The following PLA2G4A variants were observed in gnomAD, a reference collection of about 807,000 sequenced individuals.
PLA2G4A encodes phospholipase A2 group IVA, also known as cytosolic phospholipase A2.
PLA2G4A carries 40 observed loss-of-function variants against 81.9 expected under a neutral mutation model. The ratio of observed to expected loss-of-function variants is 0.49; its 90% CI spans 0.38 to 0.64. The LOEUF (loss-of-function observed/expected upper bound fraction) is 0.64. Among genes scored for constraint, PLA2G4A ranks in the 30% least tolerant of loss-of-function variants. The pLI, the probability that PLA2G4A is intolerant of heterozygous loss-of-function variation, is 0.00. For synonymous variants in PLA2G4A, 302 were observed against 296.9 expected (o/e 1.02, Z -0.18); for missense variants, 715 against 905.1 (o/e 0.79, Z 2.69).
At chr1:186,838,063 G>A (rs1302713029) in intron 1 of PLA2G4A, among the ~76,000 whole-genome samples, 1 of 152,200 alleles carries the variant, frequency 6.6e-6, no homozygotes. Context: ...GGGGTGGGGT[G>A]AGAAACTTGA....
chr1:186,893,800 T>A (rs12720530), intron 4 of PLA2G4A, among the ~76,000 whole-genome samples: 7,068 of 151,736 alleles, frequency 0.047, 221 homozygotes, highest in Middle Eastern at 0.1. Context: ...GGCGCTTGCT[T>A]GTAATCCCAG....
At chr1:186,955,733 C>CTTTT (rs1656722730) in intron 13 of PLA2G4A, among the ~76,000 whole-genome samples, 4 of 28,840 alleles carry the variant, frequency 1.4e-4, no homozygotes, top group South Asian at 2.2e-3. Flanking sequence ...AAAGAAGATC[C>CTTTT]CTTTTTTTTT....
intron 5 of PLA2G4A, among the ~76,000 whole-genome samples, chr1:186,901,173 C>A (rs1004856991): frequency 2.6e-5 from 4 of 152,120 alleles, no homozygotes. Context: ...ATTTGAGAGA[C>A]CTTTCGCTAA....
Position 186,855,815 on chromosome 1 carries a change from A to G in PLA2G4A, c.33+1428A>G, listed in dbSNP as rs149757044. ...GATTTCCTATAAATCAGGCTACCAT[A>G]TATGTGTGGCTTCATTTCTTTTCCG... On this transcript the variant is annotated intron_variant, in intron 2 of 17. Transcript: ENST00000367466. Among the ~76,000 whole-genome samples the G allele has an allele frequency of 9.5e-4, 144 of 152,148 alleles. 1 individual carries two copies. The highest frequency in any genetic ancestry group is 3.4e-3 in the Middle Eastern group (1 of 294).
chr1:186,928,415 G>T (rs1655626664), intron 7 of PLA2G4A, among the ~76,000 whole-genome samples: 1 of 152,136 alleles, frequency 6.6e-6, no homozygotes, highest in South Asian at 2.1e-4. Context: ...CATCCAATCT[G>T]TTCAAGGCCT....
chr1:186,952,879 A>G (rs537907576), intron 13 of PLA2G4A, among the ~76,000 whole-genome samples: 1 of 152,250 alleles, frequency 6.6e-6, no homozygotes, highest in African/African-American at 2.4e-5. Flanking sequence ...TTGGCTTCAT[A>G]GCTTATTTTT....
At chr1:186,847,409 C>T (rs1652217377) in intron 1 of PLA2G4A, among the ~76,000 whole-genome samples, 1 of 150,310 alleles carries the variant, frequency 6.7e-6, no homozygotes, top group South Asian at 2.1e-4. Flanking sequence ...TGCAATAATT[C>T]TGCCCGGTTT....
chr1:186,839,335 C>T (rs983194660), intron 1 of PLA2G4A, among the ~76,000 whole-genome samples: 19 of 152,280 alleles, frequency 1.2e-4, no homozygotes, highest in African/African-American at 4.1e-4. Context: ...CCCTACCTCC[C>T]GGAGACATGT....
chr1:186,872,944 G>A (rs1653335135), intron 3 of PLA2G4A, among the ~76,000 whole-genome samples: 1 of 152,092 alleles, frequency 6.6e-6, no homozygotes, highest in African/African-American at 2.4e-5. Flanking sequence ...TGGCAGAAAG[G>A]ACAGTGTTAT....
At position 186,955,734 on chromosome 1, in the gene PLA2G4A, C is replaced by CT. The variant is rs59494152; in HGVS notation, c.1337-350dup. Among the ~76,000 whole-genome samples, 8 of 108,814 alleles carry CT rather than the reference C, an allele frequency of 7.4e-5. 1 individual carries two copies. The highest frequency in any genetic ancestry group is 1.2e-4 in the Admixed American group (1 of 8,232). 71.4% of individuals were successfully genotyped at this position (108,814 alleles called of 152,430 possible). A position where few individuals can be genotyped will look rare whatever the true frequency, so the allele number is the denominator to read the frequency against. ...ACATTCAATTATCCAAAGAAGATCC[C>CT]TTTTTTTTTTTTTTTTTTAAGACAG... On this transcript the variant is annotated intron_variant, in intron 13 of 17. Coordinates refer to ENST00000367466, the MANE Select transcript of PLA2G4A (RefSeq NM_024420.3).
chr1:186,980,012 A>G (rs191632428), intron 17 of PLA2G4A, among the ~76,000 whole-genome samples: 3 of 137,234 alleles, frequency 2.2e-5, no homozygotes, highest in Non-Finnish European at 3.0e-5. Flanking sequence ...CAGTGGCGCA[A>G]TGTCGGCTCA....
intron 3 of PLA2G4A, among the ~76,000 whole-genome samples, chr1:186,883,070 T>C (rs1411910966): frequency 6.6e-6 from 1 of 152,050 alleles, no homozygotes; most frequent in African/African-American, 2.4e-5. Context: ...TTTGTAAATA[T>C]TGAGTTTGAG....
chr1:186,962,388 A>C (rs1193288994), intron 14 of PLA2G4A, among the ~76,000 whole-genome samples: 1 of 152,020 alleles, frequency 6.6e-6, no homozygotes, highest in African/African-American at 2.4e-5. Context: ...TGTGTTTTTA[A>C]ATGTTAGGTT....
chr1:186,857,338 TTATA>T (rs774578726), intron 2 of PLA2G4A, among the ~76,000 whole-genome samples: 2 of 122,092 alleles, frequency 1.6e-5, no homozygotes, highest in Non-Finnish European at 3.2e-5. Context: ...AAATATAATA[TTATA>T]TATATTATAA....
intron 1 of PLA2G4A, among the ~76,000 whole-genome samples, chr1:186,840,527 C>A (rs181591619): frequency 1.3e-5 from 2 of 152,250 alleles, no homozygotes; most frequent in East Asian, 3.9e-4. Flanking sequence ...CAGGTGTACA[C>A]CCTTCTGTGC....
chr1:186,950,331 G>C (rs150017874), intron 12 of PLA2G4A, among the ~76,000 whole-genome samples: 1 of 151,960 alleles, frequency 6.6e-6, no homozygotes, highest in Non-Finnish European at 1.5e-5. Flanking sequence ...AAAGAAAAAG[G>C]CATATTTTTT....
At chr1:186,890,785 C>T (rs1409387569) in intron 3 of PLA2G4A, among the ~76,000 whole-genome samples, 4 of 149,274 alleles carry the variant, frequency 2.7e-5, no homozygotes, top group Admixed American at 1.4e-4. Context: ...ACCAGGAGGC[C>T]GAGGTTGCAG....
chr1:186,969,282 A>G (rs1021320644), intron 15 of PLA2G4A, among the ~76,000 whole-genome samples: 3 of 151,470 alleles, frequency 2.0e-5, no homozygotes, highest in Non-Finnish European at 4.4e-5. Context: ...TTAATTATGG[A>G]TGCAGAATAC....
At chr1:186,949,184 T>G (rs10911969) in intron 12 of PLA2G4A, among the ~76,000 whole-genome samples, 106,170 of 150,998 alleles carry the variant, frequency 0.7, 37,940 homozygotes, top group East Asian at 0.84. Flanking sequence ...ATATCGTGAA[T>G]TCTTCCTTAC....
Sources: gnomAD v4.1 joint callset for allele counts (sites outside exome capture counted in the v4.1 genomes callset) on GRCh38, gnomAD v4.1.1 for gene constraint, MANE v1.5 for transcripts, NCBI Gene and HGNC (gene_info 2026-07-23, HGNC 2026-07-21) for gene names.